The following MINDY3 variants were observed in gnomAD, a reference collection of about 807,000 sequenced individuals.
MINDY3 encodes the protein MINDY lysine 48 deubiquitinase 3, also known as ubiquitin carboxyl-terminal hydrolase MINDY-3.
Under a neutral mutation model 69.2 loss-of-function variants are expected in MINDY3, and 38 were observed. The observed-to-expected ratio is 0.55, with a 90% CI of 0.42 to 0.72. The LOEUF is 0.72. Among genes scored for constraint, MINDY3 ranks in the 30% least tolerant of loss-of-function variants. The probability of loss-of-function intolerance (pLI) is 0.00; values close to 1 mark genes in which losing one functional copy is unlikely to be tolerated. For missense variants in MINDY3, 522 were observed against 519.0 expected (o/e 1.01, Z -0.06); for synonymous variants, 192 against 180.1 (o/e 1.07, Z -0.53).
chr10:15,822,679 C>T (rs1454477711), intron 8 of MINDY3, among the ~76,000 whole-genome samples: 2 of 151,994 alleles, frequency 1.3e-5, no homozygotes, highest in African/African-American at 4.8e-5. Flanking sequence ...TTTACGTGCT[C>T]TAGCTAGAGA....
At chr10:15,859,152 G>T (rs1341746867) in intron 1 of MINDY3, among the ~76,000 whole-genome samples, 1 of 152,094 alleles carries the variant, frequency 6.6e-6, no homozygotes, top group Admixed American at 6.5e-5. Flanking sequence ...CATCGTAATT[G>T]TAATTTTACC....
Position 15,814,803 on chromosome 10 carries a change from GT to G in MINDY3, c.882+2031del, listed in dbSNP as rs557091478. ...GGGAACCACAAAAGTATCAGGACAG[GT>G]AGGAAGAGTGTACTCATAAAAAGAA... On this transcript the variant is annotated intron_variant, in intron 10 of 14. Transcript: ENST00000277632. 2.2e-3 allele frequency among the ~76,000 whole-genome samples: 340 copies of G among 152,218 alleles called. 2 individuals carry two copies. The highest frequency in any genetic ancestry group is 6.8e-3 in the African/African-American group (284 of 41,524).
intron 14 of MINDY3, among the ~76,000 whole-genome samples, chr10:15,779,434 A>T (rs1273876704): frequency 2.0e-5 from 3 of 152,194 alleles, no homozygotes; most frequent in Non-Finnish European, 4.4e-5. Flanking sequence ...ACATTCTTCA[A>T]CGGATCTATA....
chr10:15,857,819 G>T (rs999497400), intron 1 of MINDY3: 3 of 458,630 alleles, frequency 6.5e-6, no homozygotes, highest in African/African-American at 6.4e-5. Flanking sequence ...CATATCAAAA[G>T]AATTTAACTT....
rs1470189537 is a variant in MINDY3 at position 15,778,479 on chromosome 10, A to C, written c.*513T>G. ...TTTGTGAACATGCCAGAGTTAAGTAAATTGTCAAAGGATCCAGGTTGACAA... is the reference window on the plus strand; with the variant it reads ...TTTGTGAACATGCCAGAGTTAAGTACATTGTCAAAGGATCCAGGTTGACAA... On this transcript the variant is annotated 3_prime_UTR_variant, in exon 15 of 15. Transcript: ENST00000277632. 6.6e-6 allele frequency: 1 copy of C among 152,380 alleles called. No individual in the cohort carries two copies. The highest frequency in any genetic ancestry group is 2.4e-5 in the African/African-American group (1 of 41,452). 9.4% of individuals were successfully genotyped at this position (152,380 alleles called of 1,614,324 possible). A position where few individuals can be genotyped will look rare whatever the true frequency, so the allele number is the denominator to read the frequency against.
At chr10:15,850,969 T>C (rs372823116) in intron 1 of MINDY3, among the ~76,000 whole-genome samples, 21 of 152,290 alleles carry the variant, frequency 1.4e-4, no homozygotes, top group African/African-American at 4.8e-4. Context: ...CGTTGAAATA[T>C]TGGGTGCTGG....
chr10:15,781,877 A>AT (rs1326341417), intron 14 of MINDY3, among the ~76,000 whole-genome samples: 6 of 152,166 alleles, frequency 3.9e-5, no homozygotes, highest in African/African-American at 1.4e-4. Context: ...TACGATGTTG[A>AT]TTTAGAAACA....
chr10:15,826,725 C>G (rs1416099736), intron 8 of MINDY3, among the ~76,000 whole-genome samples: 3 of 151,958 alleles, frequency 2.0e-5, no homozygotes, highest in Non-Finnish European at 4.4e-5. Flanking sequence ...ACAAAAAGAT[C>G]AGTGGAATAG....
chr10:15,834,463 G>C (rs1832942971), intron 7 of MINDY3, 80 bp downstream of exon 7: 2 of 959,868 alleles, frequency 2.1e-6, no homozygotes, highest in Admixed American at 1.9e-5. Context: ...AAAATTACTT[G>C]ACTCAGTCAT....
At chr10:15,815,122 G>A (rs777556990) in intron 10 of MINDY3, among the ~76,000 whole-genome samples, 12 of 152,166 alleles carry the variant, frequency 7.9e-5, no homozygotes, top group Admixed American at 2.0e-4. Context: ...TTGTGTGTAA[G>A]TCAGAATTAA....
At chr10:15,804,608 C>T (rs1838501123) in intron 10 of MINDY3, among the ~76,000 whole-genome samples, 1 of 152,048 alleles carries the variant, frequency 6.6e-6, no homozygotes, top group Admixed American at 6.6e-5. Context: ...TTGCAGACAA[C>T]ATATTATAGT....
chr10:15,788,644 G>GATA (rs1326445175), intron 12 of MINDY3, among the ~76,000 whole-genome samples: 1 of 151,972 alleles, frequency 6.6e-6, no homozygotes, highest in Non-Finnish European at 1.5e-5. Context: ...TTTTTTCATG[G>GATA]ATAATAACTA....
intron 11 of MINDY3, among the ~76,000 whole-genome samples, chr10:15,795,059 A>T (rs1837709467): frequency 6.6e-6 from 1 of 152,180 alleles, no homozygotes; most frequent in African/African-American, 2.4e-5. Context: ...AACACAACAC[A>T]TAACGATTAC....
At chr10:15,791,695 G>A (rs1235674134) in intron 11 of MINDY3, among the ~76,000 whole-genome samples, 2 of 152,120 alleles carry the variant, frequency 1.3e-5, no homozygotes, top group African/African-American at 4.8e-5. Flanking sequence ...TGCTAAAAGT[G>A]TCAAGTCCTT....
intron 11 of MINDY3, among the ~76,000 whole-genome samples, chr10:15,790,589 T>C (rs1251669602): frequency 2.0e-5 from 3 of 152,142 alleles, no homozygotes; most frequent in African/African-American, 4.8e-5. Flanking sequence ...ACAGGCTTTA[T>C]GTGGCCACCA....
chr10:15,811,405 A>T (rs894357264), intron 10 of MINDY3, among the ~76,000 whole-genome samples: 1 of 152,168 alleles, frequency 6.6e-6, no homozygotes, highest in Non-Finnish European at 1.5e-5. Flanking sequence ...TAGAAAAAGG[A>T]GCCAAAGCCA....
chr10:15,784,613 T>C (rs1159503542), intron 13 of MINDY3, among the ~76,000 whole-genome samples: 1 of 152,092 alleles, frequency 6.6e-6, no homozygotes, highest in African/African-American at 2.4e-5. Flanking sequence ...GGCCACCATA[T>C]GTAGTCCCAG....
At chr10:15,824,763 C>A (rs1258137269) in intron 8 of MINDY3, among the ~76,000 whole-genome samples, 1 of 152,136 alleles carries the variant, frequency 6.6e-6, no homozygotes, top group Non-Finnish European at 1.5e-5. Context: ...GACTTTTAAA[C>A]AAATGTCTAA....
intron 8 of MINDY3, among the ~76,000 whole-genome samples, 184 bp downstream of exon 8, chr10:15,833,446 T>C (rs1832864649): frequency 6.6e-6 from 1 of 152,194 alleles, no homozygotes; most frequent in Non-Finnish European, 1.5e-5. Flanking sequence ...GAACCCAAGA[T>C]TGCCTGGCTC....
Sources: allele counts gnomAD v4.1 joint callset (sites outside exome capture counted in the v4.1 genomes callset), GRCh38; gene constraint gnomAD v4.1.1; transcripts MANE v1.5; gene names NCBI Gene and HGNC (gene_info 2026-07-23, HGNC 2026-07-21).